OLFM1: variants seen among roughly 807,000 people sequenced by gnomAD.
OLFM1 encodes the protein noelin.
OLFM1 carries 9 observed loss-of-function variants against 49.7 expected under a neutral mutation model. That is an observed-to-expected ratio of 0.18 (90% CI 0.11 to 0.32). OLFM1 has a LOEUF of 0.32. Ranked by LOEUF, OLFM1 falls within the 10% of genes least tolerant of loss-of-function variation. The pLI, the probability that OLFM1 is intolerant of heterozygous loss-of-function variation, is 1.00. For missense variants in OLFM1, 369 were observed against 661.8 expected (o/e 0.56, Z 4.85); for synonymous variants, 240 against 271.8 (o/e 0.88, Z 1.15).
At chr9:135,105,222 G>A (rs1440756488) in intron 4 of OLFM1, among the ~76,000 whole-genome samples, 1 of 152,268 alleles carries the variant, frequency 6.6e-6, no homozygotes, top group Non-Finnish European at 1.5e-5. Context: ...GGAGGGAAGG[G>A]CTGTGACATT....
chr9:135,091,724 C>CAG (rs1491329801), intron 2 of OLFM1, among the ~76,000 whole-genome samples: 16 of 15,266 alleles, frequency 1.0e-3, no homozygotes, highest in South Asian at 2.1e-3. Flanking sequence ...TAGTCACACA[C>CAG]TCATAGTCAC....
chr9:135,095,187 G>A (rs1830771335), intron 2 of OLFM1: 1 of 152,190 alleles, frequency 6.6e-6, no homozygotes, highest in Non-Finnish European at 1.5e-5. Flanking sequence ...CATTTGCTGG[G>A]TGATTGATTC....
upstream of OLFM1, among the ~76,000 whole-genome samples, chr9:135,085,310 G>T (rs1030880510): frequency 6.6e-5 from 10 of 152,236 alleles, no homozygotes; most frequent in African/African-American, 2.4e-4. Flanking sequence ...AGCCAGGGCT[G>T]CTGTGGCCAT....
rs748281688 is a variant in OLFM1, at chr9:135,119,518, C to T, written c.798C>T (p.Asp266=). The T allele has an allele frequency of 3.7e-5, 60 of 1,605,006 alleles. No homozygotes were observed. The highest frequency in any genetic ancestry group is 9.4e-5 in the African/African-American group (7 of 74,790). The stretch of plus-strand genomic sequence containing the variant: ...TCTCTCCACAGGTGTGGTACATGGA[C>T]GGCTATCACAACAACCGCTTCGTAC... The part of the protein sequence containing the change: ...PEGDNRVWYM[D]GYHNNRFVRE... Residue 266 remains aspartate, a synonymous_variant, in exon 6 of 6, where the codon GAC becomes GAT. Coordinates refer to ENST00000371793, the MANE Select transcript of OLFM1 (RefSeq NM_001282611.2).
Position 135,119,905 on chromosome 9 carries a change from G to A in OLFM1, c.1185G>A (p.Thr395=), listed in dbSNP as rs1427409172. The A allele has an allele frequency of 8.7e-6, 14 of 1,613,342 alleles. No homozygotes were observed. The highest frequency in any genetic ancestry group is 4.4e-5 in the South Asian group (4 of 91,088). Residue 395 remains threonine, a synonymous_variant, in exon 6 of 6, where the codon ACG becomes ACA. Transcript: ENST00000371793. The part of the protein sequence containing the change: ...VSLQTLQTWN[T]SYPKRSAGEA... Reference sequence around the variant, plus strand: ...TGCAGACCCTGCAGACCTGGAACACGAGCTACCCCAAGCGCAGCGCCGGGG... The same window carrying A: ...TGCAGACCCTGCAGACCTGGAACACAAGCTACCCCAAGCGCAGCGCCGGGG...
upstream of OLFM1, among the ~76,000 whole-genome samples, chr9:135,085,911 C>G (rs1830590307): frequency 6.6e-6 from 1 of 152,144 alleles, no homozygotes; most frequent in Non-Finnish European, 1.5e-5. Flanking sequence ...AGGTTGGAGC[C>G]GCTCAGGTGC....
At position 135,106,359 on chromosome 9, in the gene OLFM1, C is replaced by T. The variant is rs537257909; in HGVS notation, c.677-390C>T. On this transcript the variant is annotated intron_variant, in intron 4 of 5. Coordinates refer to ENST00000371793, the MANE Select transcript of OLFM1 (RefSeq NM_001282611.2). ...CCTCTAATGCCCTTGGGGGTGGAGC[C>T]GCTGCGTTCCCATCTCCAAGAGAAG... 3.5e-5 allele frequency: 7 copies of T among 199,466 alleles called. No individual in the cohort carries two copies. The East Asian group carries it at 4.3e-4, about 12-fold the overall frequency. The allele number at this position is 199,466 out of a possible 1,614,324, so 12.4% of individuals were successfully genotyped here.
chr9:135,098,534 G>A lies in OLFM1; in HGVS notation c.676+29G>A, dbSNP rs368100631. On this transcript the variant is annotated intron_variant, in intron 4 of 5. Transcript: ENST00000371793. This position sits in a 1 kb window ranked among gnomAD's most constrained non-coding sequence, Gnocchi z 5.6. ...GGCCCAGTACCCTGCGGGACGTGGC[G>A]CTGCACTGCCCACCTCCGGCACACG... 1.6e-4 allele frequency: 248 copies of A among 1,578,216 alleles called. No homozygotes were observed. The highest frequency in any genetic ancestry group is 2.1e-4 in the Non-Finnish European group (237 of 1,149,048).
At chr9:135,077,123 T>C (rs1339836465) in intron 1 of OLFM1, 7 of 1,550,386 alleles carry the variant, frequency 4.5e-6, no homozygotes. Flanking sequence ...TTGTGCACTG[T>C]TGCTGGACAG....
At chr9:135,107,786 C>G (rs1189175475) in intron 5 of OLFM1, among the ~76,000 whole-genome samples, 1 of 152,180 alleles carries the variant, frequency 6.6e-6, no homozygotes, top group African/African-American at 2.4e-5. Context: ...TGAGAAAGGC[C>G]CTTTGAAATG....
Position 135,088,917 on chromosome 9 carries a change from G to A in OLFM1, c.150+778G>A, listed in dbSNP as rs1830641620. On this transcript the variant is annotated intron_variant, in intron 1 of 5. Coordinates refer to ENST00000371793, the MANE Select transcript of OLFM1 (RefSeq NM_001282611.2). The surrounding 1 kb of genome is among the most constrained non-coding windows in gnomAD (Gnocchi z 4.8). ...GAACCGTGGCCGGGGCTGCTTCTGG[G>A]CAGAGCTGACTTAGATGGCTGAGCG... Among the ~76,000 whole-genome samples the A allele has an allele frequency of 6.6e-6, 1 of 152,224 alleles. No homozygotes were observed. Among genetic ancestry groups the A allele is most frequent in the South Asian group, 2.1e-4 (1 of 4,836 alleles).
intron 5 of OLFM1, among the ~76,000 whole-genome samples, chr9:135,111,942 C>T (rs551086425): frequency 3.9e-4 from 60 of 152,190 alleles, no homozygotes; most frequent in Non-Finnish European, 7.9e-4. Context: ...ATCTCCATCT[C>T]CTGACCTCAT....
intron 2 of OLFM1, among the ~76,000 whole-genome samples, chr9:135,091,182 C>T (rs980317235): frequency 5.3e-5 from 8 of 152,324 alleles, no homozygotes; most frequent in South Asian, 2.1e-4. Context: ...AGTCAGGGGG[C>T]CTTCTCCTAA....
chr9:135,098,420 G>A lies in OLFM1; in HGVS notation c.591G>A (p.Glu197=), dbSNP rs772425938. ...CGTCAGTGCTTAACGAGCTGCAAGA[G>A]GAAATTGGCGCCTATGACTACGATG... The part of the protein sequence containing the change: ...NLTSVLNELQ[E]EIGAYDYDEL... The change falls in exon 4 of 6, where the codon GAG becomes GAA. Residue 197 remains glutamate (E), a synonymous_variant. Coordinates refer to ENST00000371793, the MANE Select transcript of OLFM1 (RefSeq NM_001282611.2). The surrounding 1 kb of genome is among the most constrained non-coding windows in gnomAD (Gnocchi z 5.6). 3 of 1,613,928 alleles carry A rather than the reference G, an allele frequency of 1.9e-6. No individual in the cohort carries two copies. The African/African-American group carries it at 4.0e-5, about 22-fold the overall frequency.
intron 4 of OLFM1, among the ~76,000 whole-genome samples, chr9:135,102,458 G>A (rs78842941): frequency 1.2e-4 from 19 of 152,340 alleles, no homozygotes; most frequent in African/African-American, 3.8e-4. Context: ...CTAAAAAGCC[G>A]CTCAGAAGCA....
chr9:135,078,077 C>T (rs1830490486), intron 1 of OLFM1, among the ~76,000 whole-genome samples: 1 of 152,206 alleles, frequency 6.6e-6, no homozygotes, highest in South Asian at 2.1e-4. Flanking sequence ...CCAAGAGCTA[C>T]TGGGGGACAT....
chr9:135,106,068 G>A (rs1830938529), intron 4 of OLFM1: 1 of 152,370 alleles, frequency 6.6e-6, no homozygotes, highest in Non-Finnish European at 1.5e-5. Flanking sequence ...TGTGAGACGG[G>A]AGGGCTGCTG....
At chr9:135,108,927 C>T (rs1400960837) in intron 5 of OLFM1, among the ~76,000 whole-genome samples, 3 of 152,160 alleles carry the variant, frequency 2.0e-5, no homozygotes, top group African/African-American at 7.2e-5. Context: ...TTATACCACC[C>T]TCCCCCTACA....
intron 1 of OLFM1, among the ~76,000 whole-genome samples, chr9:135,078,420 G>C (rs890893438): frequency 7.2e-5 from 11 of 152,240 alleles, no homozygotes; most frequent in Admixed American, 1.3e-4. Flanking sequence ...GGACAGGCAG[G>C]GGGAGTGGAG....
Sources: allele counts gnomAD v4.1 joint callset (sites outside exome capture counted in the v4.1 genomes callset), GRCh38; gene constraint gnomAD v4.1.1; non-coding constraint Gnocchi (gnomAD v3.1); transcripts MANE v1.5; gene names NCBI Gene and HGNC (gene_info 2026-07-23, HGNC 2026-07-21).